Variants in ESRRG observed in about 807,000 individuals in gnomAD.
ESRRG encodes the protein estrogen related receptor gamma.
Under a neutral mutation model 44.0 loss-of-function variants are expected in ESRRG, and 13 were observed. That is an observed-to-expected ratio of 0.30 (90% CI 0.19 to 0.47). ESRRG has a LOEUF of 0.47. ESRRG is among the 20% of genes least tolerant of loss of function. The pLI is 1.00. For missense variants in ESRRG, 395 were observed against 580.6 expected (o/e 0.68, Z 3.29); for synonymous variants, 215 against 214.6 (o/e 1.00, Z -0.02).
chr1:216,958,908 C>A (rs917908959), intron 1 of ESRRG, among the ~76,000 whole-genome samples: 3 of 152,130 alleles, frequency 2.0e-5, no homozygotes, highest in East Asian at 3.9e-4. Flanking sequence ...TCCTTTAGTA[C>A]CTTCTGGAAT....
intron 3 of ESRRG, among the ~76,000 whole-genome samples, chr1:216,622,408 GAAT>G (rs1187551853): frequency 6.6e-6 from 1 of 152,114 alleles, no homozygotes; most frequent in Non-Finnish European, 1.5e-5. Flanking sequence ...CTGCTTTCTT[GAAT>G]TATTAGTTTT....
intron 2 of ESRRG, among the ~76,000 whole-genome samples, chr1:216,733,275 A>G (rs893360878): frequency 3.4e-5 from 5 of 146,546 alleles, no homozygotes; most frequent in African/African-American, 1.3e-4. Flanking sequence ...TCACACTACC[A>G]GGTGCTTTGG....
chr1:217,094,298 G>A (rs1235059865), upstream of ESRRG, among the ~76,000 whole-genome samples: 5 of 152,138 alleles, frequency 3.3e-5, no homozygotes, highest in African/African-American at 1.2e-4. Context: ...CTATCAAATC[G>A]TATAGACCTA....
chr1:217,038,924 C>T (rs541841677), intron 1 of ESRRG, among the ~76,000 whole-genome samples: 1 of 152,290 alleles, frequency 6.6e-6, no homozygotes, highest in Admixed American at 6.5e-5. Context: ...AAGTAAGTCA[C>T]CTCTTGAATG....
chr1:216,923,872 G>A (rs970849208), intron 2 of ESRRG, among the ~76,000 whole-genome samples: 2 of 152,156 alleles, frequency 1.3e-5, no homozygotes, highest in East Asian at 1.9e-4. Context: ...AGATGCTCAC[G>A]GCAGTGACTC....
At chr1:217,061,817 G>A (rs2088565301) in intron 1 of ESRRG, among the ~76,000 whole-genome samples, 1 of 152,002 alleles carries the variant, frequency 6.6e-6, no homozygotes, top group African/African-American at 2.4e-5. Context: ...AATCCTTAAT[G>A]AACTAAGAAA....
chr1:216,941,642 T>C (rs957005035), intron 1 of ESRRG, among the ~76,000 whole-genome samples: 3 of 152,116 alleles, frequency 2.0e-5, no homozygotes, highest in African/African-American at 7.2e-5. Flanking sequence ...CCCCTATGAT[T>C]TCCTCTTATT....
At chr1:216,658,414 A>C (rs1003277035) in intron 2 of ESRRG, among the ~76,000 whole-genome samples, 1 of 152,124 alleles carries the variant, frequency 6.6e-6, no homozygotes, top group Non-Finnish European at 1.5e-5. Flanking sequence ...GGCATTGTGC[A>C]TGTTCATTTT....
At chr1:216,952,898 T>G (rs1329061836) in intron 1 of ESRRG, among the ~76,000 whole-genome samples, 1 of 152,038 alleles carries the variant, frequency 6.6e-6, no homozygotes, top group African/African-American at 2.4e-5. Context: ...CTGTTTCATT[T>G]TTGTACCCCT....
intron 5 of ESRRG, among the ~76,000 whole-genome samples, chr1:216,559,756 A>T (rs551530005): frequency 8.5e-5 from 13 of 152,346 alleles, no homozygotes; most frequent in Admixed American, 5.2e-4. Context: ...GAGTATTTTA[A>T]AAATGAAACC....
At chr1:216,670,290 G>A (rs1406122079) in intron 2 of ESRRG, among the ~76,000 whole-genome samples, 1 of 152,226 alleles carries the variant, frequency 6.6e-6, no homozygotes, top group East Asian at 1.9e-4. Context: ...CTTCAGGAAG[G>A]AGTCATACAA....
At chr1:216,938,601 A>G (rs2064577569) in intron 2 of ESRRG, among the ~76,000 whole-genome samples, 3 of 152,206 alleles carry the variant, frequency 2.0e-5, no homozygotes, top group African/African-American at 7.2e-5. Context: ...TCCACACTGA[A>G]GCAGGAGTCT....
chr1:216,801,771 A>T (rs539065496), intron 2 of ESRRG, among the ~76,000 whole-genome samples: 4 of 152,226 alleles, frequency 2.6e-5, no homozygotes, highest in African/African-American at 9.6e-5. Context: ...TCCTTTACCC[A>T]TTCTTTTAAA....
At chr1:216,761,476 A>G (rs2092769811) in intron 2 of ESRRG, among the ~76,000 whole-genome samples, 1 of 152,130 alleles carries the variant, frequency 6.6e-6, no homozygotes, top group East Asian at 1.9e-4. Flanking sequence ...ATGATCCATA[A>G]TTTCATTGTC....
chr1:216,773,712 T>C (rs2093475983), intron 2 of ESRRG, among the ~76,000 whole-genome samples: 1 of 152,056 alleles, frequency 6.6e-6, no homozygotes, highest in Admixed American at 6.6e-5. Flanking sequence ...ACTTGGATCT[T>C]TTGAGAAAGC....
intron 2 of ESRRG, among the ~76,000 whole-genome samples, chr1:216,838,965 T>A (rs114565236): frequency 6.6e-6 from 1 of 152,212 alleles, no homozygotes; most frequent in African/African-American, 2.4e-5. Flanking sequence ...TGTAGCAGTT[T>A]TTTAAAAAAG....
At chr1:216,778,119 GC>G (rs2093681483) in intron 2 of ESRRG, among the ~76,000 whole-genome samples, 1 of 152,068 alleles carries the variant, frequency 6.6e-6, no homozygotes, top group African/African-American at 2.4e-5. Context: ...GTATAGGTGA[GC>G]TTTCTTGGGA....
intron 2 of ESRRG, among the ~76,000 whole-genome samples, chr1:216,663,895 G>C (rs1953523): frequency 0.16 from 24,186 of 152,096 alleles, 2,458 homozygotes; most frequent in South Asian, 0.33. Flanking sequence ...AATGTCAGAT[G>C]ATAAAAATCC....
intron 5 of ESRRG, among the ~76,000 whole-genome samples, chr1:216,530,097 G>C (rs913264379): frequency 1.5e-5 from 2 of 129,912 alleles, no homozygotes; most frequent in Admixed American, 1.7e-4. Context: ...GGGTGGCAGA[G>C]CGAGACTCCA....
Sources: allele counts gnomAD v4.1 joint callset (sites outside exome capture counted in the v4.1 genomes callset), GRCh38; gene constraint gnomAD v4.1.1; transcripts MANE v1.5; gene names NCBI Gene and HGNC (gene_info 2026-07-23, HGNC 2026-07-21).